Variants in SIGIRR observed in about 807,000 individuals in gnomAD.
The protein encoded by SIGIRR is single Ig and TIR domain containing.
In SIGIRR, 41 loss-of-function variants were observed where a neutral mutation model predicts 45.6. The ratio of observed to expected loss-of-function variants is 0.90; its 90% CI spans 0.70 to 1.17. SIGIRR has a LOEUF of 1.17. Among genes scored for constraint, SIGIRR ranks in the 50% most tolerant of loss-of-function variants. The pLI is 0.00. For missense variants in SIGIRR, 599 were observed against 539.6 expected, an observed-to-expected ratio of 1.11 and a Z score of -1.09; for synonymous variants, 298 against 239.0, an observed-to-expected ratio of 1.25 and a Z score of -2.28.
chr11:408,802 C>T lies in SIGIRR; in HGVS notation c.99G>A (p.Thr33=), dbSNP rs148117689. The T allele has an allele frequency of 7.0e-4, 1,137 of 1,612,814 alleles. 3 individuals carry two copies. Among genetic ancestry groups the T allele is most frequent in the South Asian group, 1.9e-3 (170 of 91,078 alleles). Residue 33 remains threonine, a synonymous_variant, in exon 3 of 10, where the codon ACG becomes ACA. Coordinates refer to ENST00000431843, the MANE Select transcript of SIGIRR (RefSeq NM_001135054.2). ...AGTGGGGCCCAGAGACTACCCAAGC[C>T]GTGCAGTTCAGAGCCACTGAGCTGC... The part of the protein sequence containing the change: ...ALGSSVALNC[T]AWVVSGPHCS...
At chr11:408,651 A>C in intron 3 of SIGIRR, 44 bp downstream of exon 3, 1 of 1,605,808 alleles carries the variant, frequency 6.2e-7, no homozygotes, top group South Asian at 1.1e-5. Flanking sequence ...TGCCCTTGGC[A>C]TGTCTGAGAG....
Position 414,904 on chromosome 11 carries a change from C to T in SIGIRR, c.-235G>A. 1.0e-6 allele frequency: 1 copy of T among 985,188 alleles called. No homozygotes were observed. The highest frequency in any genetic ancestry group is 1.2e-6 in the Non-Finnish European group (1 of 829,696). The allele number at this position is 985,188 out of a possible 1,614,324, so 61.0% of individuals were successfully genotyped here. A position where few individuals can be genotyped will look rare whatever the true frequency, so the allele number is the denominator to read the frequency against. On this transcript the variant is annotated 5_prime_UTR_variant, in exon 1 of 10. Coordinates refer to ENST00000431843, the MANE Select transcript of SIGIRR (RefSeq NM_001135054.2). ...AGCAAACTCTCCCCTTCGCTGGGCC[C>T]CAGGGAGTGTCCACAGCACCAAGGC...
At chr11:416,668 C>G (rs922900396), upstream of SIGIRR, among the ~76,000 whole-genome samples, 10 of 152,148 alleles carry the variant, frequency 6.6e-5, no homozygotes, top group Non-Finnish European at 1.2e-4. This position sits in a 1 kb window ranked among gnomAD's most constrained non-coding sequence, Gnocchi z 9.1. Flanking sequence ...CCCTCCGCTC[C>G]CCGTGCGCGC....
intron 2 of SIGIRR, 180 bp from the exon 3 acceptor site, chr11:409,073 C>T: frequency 1.6e-6 from 1 of 642,972 alleles, no homozygotes. Context: ...CAGTAGTGGC[C>T]AGGCTTTGGG....
rs1210317406 is a variant in SIGIRR, at chr11:409,970, G to A, written c.-96C>T. 14 of 1,254,412 alleles carry A rather than the reference G, an allele frequency of 1.1e-5. No homozygotes were observed. The East Asian group carries it at 4.1e-4, about 37-fold the overall frequency. 77.7% of individuals were successfully genotyped at this position (1,254,412 alleles called of 1,614,324 possible). A position where few individuals can be genotyped will look rare whatever the true frequency, so the allele number is the denominator to read the frequency against. The stretch of plus-strand genomic sequence containing the variant: ...GCCAGCAGACTGATCCAAGAGCTGG[G>A]CAGGACTCCTCTCTGTCCTTGCAGT... On this transcript the variant is annotated 5_prime_UTR_variant, in exon 2 of 10. Transcript: ENST00000431843.
intron 6 of SIGIRR, 121 bp from the exon 7 acceptor site, chr11:407,285 G>GT: frequency 1.8e-6 from 1 of 557,676 alleles, no homozygotes; most frequent in South Asian, 2.5e-5. Flanking sequence ...GGGTGGGCGG[G>GT]TTTTTGAGGC....
At position 407,473 on chromosome 11, in the gene SIGIRR, G is replaced by T. The variant is rs139137184; in HGVS notation, c.577C>A (p.Arg193=). Residue 193 remains arginine (R), a synonymous_variant, in exon 6 of 10, where the codon CGG becomes AGG. Coordinates refer to ENST00000431843, the MANE Select transcript of SIGIRR (RefSeq NM_001135054.2). ...TCGTCCAGGAAGAGCTTGTAGCCCC[G>T]ACGCCGCTCCAGCTGCGGCTTTAGG... ...FILKPQLERR[R]GYKLFLDDRD... is the part of the protein sequence containing the mutation. The T allele has an allele frequency of 1.3e-6, 2 of 1,576,654 alleles. No homozygotes were observed. The highest frequency in any genetic ancestry group is 8.6e-7 in the Non-Finnish European group (1 of 1,162,064).
At chr11:408,598 TG>T in intron 3 of SIGIRR, 96 bp downstream of exon 3, 1 of 1,399,040 alleles carries the variant, frequency 7.1e-7, no homozygotes, top group Non-Finnish European at 1.0e-6. Context: ...GTGACATGTC[TG>T]GCCAGGTGGT....
rs139033656 is a variant in SIGIRR, at chr11:408,742, C to T, written c.159G>A (p.Gly53=). 214 of 1,612,802 alleles carry T rather than the reference C, an allele frequency of 1.3e-4. No individual in the cohort carries two copies. Among genetic ancestry groups the T allele is most frequent in the Non-Finnish European group, 1.7e-4 (201 of 1,179,976 alleles). ...AGTGGCCCCCAATTCCCAATGGAAGCCCGTCTTTCAGCCACTGGACTGAAG... is the reference window on the plus strand; with the variant it reads ...AGTGGCCCCCAATTCCCAATGGAAGTCCGTCTTTCAGCCACTGGACTGAAG... ...SLPSVQWLKD[G]LPLGIGGHYS... Residue 53 remains glycine, a synonymous_variant, in exon 3 of 10, where the codon GGG becomes GGA. Coordinates refer to ENST00000431843, the MANE Select transcript of SIGIRR (RefSeq NM_001135054.2).
intron 1 of SIGIRR, among the ~76,000 whole-genome samples, chr11:412,753 G>A (rs1361894070): frequency 1.3e-5 from 2 of 150,928 alleles, no homozygotes; most frequent in East Asian, 2.0e-4. Context: ...TCTGGCCCAC[G>A]TCTGGTTACA....
upstream of SIGIRR, among the ~76,000 whole-genome samples, chr11:415,515 G>A (rs1847858582): frequency 6.6e-6 from 1 of 152,104 alleles, no homozygotes; most frequent in Non-Finnish European, 1.5e-5. The surrounding 1 kb of genome is among the most constrained non-coding windows in gnomAD (Gnocchi z 6.6). Context: ...ATGTGTCTTT[G>A]ACCTCTGACC....
In SIGIRR at chr11:407,456, G is replaced by C; in HGVS notation, c.594C>G (p.Phe198Leu). The change falls in exon 6 of 10, where the codon TTC (phenylalanine) becomes TTG (leucine). Residue 198 changes from phenylalanine (F) to leucine (L), a missense_variant. Physicochemically the swap from Phe to Leu is conservative, Grantham distance 22 (BLOSUM62 0). Coordinates refer to ENST00000431843, the MANE Select transcript of SIGIRR (RefSeq NM_001135054.2). ...GCGGCAGGAGGTCGCGGTCGTCCAG[G>C]AAGAGCTTGTAGCCCCGACGCCGCT... Reference protein sequence around the residue: ...QLERRRGYKLFLDDRDLLPRA... With the variant: ...QLERRRGYKLLLDDRDLLPRA... The C allele has an allele frequency of 1.0e-5, 16 of 1,561,222 alleles. No individual in the cohort carries two copies. The highest frequency in any genetic ancestry group is 1.4e-5 in the Non-Finnish European group (16 of 1,153,494).
At position 407,171 on chromosome 11, in the gene SIGIRR, G is replaced by C. The variant is rs749857996; in HGVS notation, c.626-7C>G. On this transcript the variant is annotated splice_region_variant and splice_polypyrimidine_tract_variant and intron_variant, in intron 6 of 9. Coordinates refer to ENST00000431843, the MANE Select transcript of SIGIRR (RefSeq NM_001135054.2). Reference sequence around the variant, plus strand: ...AAGAGGTCGGCGGAGGGCTCTGCGGGAGGGCGGGCGTCGGCGGCGCAGGGG... The same window carrying C: ...AAGAGGTCGGCGGAGGGCTCTGCGGCAGGGCGGGCGTCGGCGGCGCAGGGG... 3.5e-6 allele frequency: 5 copies of C among 1,445,024 alleles called. No individual in the cohort carries two copies. The highest frequency in any genetic ancestry group is 2.7e-6 in the Non-Finnish European group (3 of 1,100,988). 89.5% of individuals were successfully genotyped at this position (1,445,024 alleles called of 1,614,324 possible). A position where few individuals can be genotyped will look rare whatever the true frequency, so the allele number is the denominator to read the frequency against.
chr11:413,883 CT>C (rs1215185975), intron 1 of SIGIRR, among the ~76,000 whole-genome samples: 1 of 134,794 alleles, frequency 7.4e-6, no homozygotes, highest in Non-Finnish European at 1.6e-5. Flanking sequence ...CCTGCACCCT[CT>C]CCCCTCCCCA....
intron 1 of SIGIRR, among the ~76,000 whole-genome samples, chr11:412,877 G>A (rs7395417): frequency 1.7e-4 from 26 of 152,232 alleles, no homozygotes; most frequent in Middle Eastern, 6.8e-3. Context: ...AGCGCCCGGT[G>A]GGGATGGAGG....
chr11:407,317 T>G (rs1590371671), intron 6 of SIGIRR, 108 bp downstream of exon 6: 11 of 679,820 alleles, frequency 1.6e-5, no homozygotes, highest in Admixed American at 5.6e-5. Flanking sequence ...TGGGCGGGGA[T>G]GGGGGCGGAG....
chr11:415,403 G>A (rs1375386571), upstream of SIGIRR, among the ~76,000 whole-genome samples: 1 of 152,056 alleles, frequency 6.6e-6, no homozygotes, highest in Non-Finnish European at 1.5e-5. The surrounding 1 kb of genome is among the most constrained non-coding windows in gnomAD (Gnocchi z 6.6). Flanking sequence ...CCCCGCCAGG[G>A]CCACCCTGCA....
chr11:410,387 C>A (rs1411872999), intron 1 of SIGIRR, among the ~76,000 whole-genome samples: 1 of 152,178 alleles, frequency 6.6e-6, no homozygotes, highest in Non-Finnish European at 1.5e-5. Context: ...GCTGCCACTG[C>A]AGGGGGTGCT....
intron 1 of SIGIRR, among the ~76,000 whole-genome samples, chr11:410,755 A>G (rs1447753554): frequency 2.5e-5 from 1 of 39,712 alleles, no homozygotes; most frequent in African/African-American, 1.2e-4. Flanking sequence ...GGGGGTGCCC[A>G]GCTCTGACCA....
Sources: gnomAD v4.1 joint callset for allele counts (sites outside exome capture counted in the v4.1 genomes callset) on GRCh38, gnomAD v4.1.1 for gene constraint, Gnocchi (gnomAD v3.1) non-coding constraint, MANE v1.5 for transcripts, NCBI Gene and HGNC (gene_info 2026-07-23, HGNC 2026-07-21) for gene names.